Variants in SSBP2 observed in about 807,000 individuals in gnomAD.
The protein encoded by SSBP2 is single-stranded DNA-binding protein 2.
SSBP2 carries 17 observed loss-of-function variants against 61.8 expected under a neutral mutation model. That is an observed-to-expected ratio of 0.28 (90% CI 0.19 to 0.41). The LOEUF is 0.41. Among genes scored for constraint, SSBP2 ranks in the 10% least tolerant of loss-of-function variants. SSBP2 has a pLI of 1.00. For missense variants in SSBP2, 310 were observed against 458.7 expected, an observed-to-expected ratio of 0.68 and a Z score of 2.96; for synonymous variants, 139 against 141.3, an observed-to-expected ratio of 0.98 and a Z score of 0.12.
chr5:81,527,752 G>A (rs571310094), intron 4 of SSBP2, among the ~76,000 whole-genome samples: 2 of 151,702 alleles, frequency 1.3e-5, no homozygotes, highest in African/African-American at 4.8e-5. Context: ...GGGGGACAAG[G>A]GGAGGAAGAG....
At chr5:81,673,619 T>C (rs986176569) in intron 1 of SSBP2, among the ~76,000 whole-genome samples, 1 of 152,070 alleles carries the variant, frequency 6.6e-6, no homozygotes, top group African/African-American at 2.4e-5. Context: ...AAAGAGGTAA[T>C]AGTCCTACAA....
intron 4 of SSBP2, among the ~76,000 whole-genome samples, chr5:81,604,772 G>C (rs1458661145): frequency 1.3e-5 from 2 of 152,002 alleles, no homozygotes; most frequent in Admixed American, 1.3e-4. Flanking sequence ...GTCACTTCCA[G>C]GTAAAGCGGC....
chr5:81,550,912 C>T (rs914298377), intron 4 of SSBP2, among the ~76,000 whole-genome samples: 6 of 151,900 alleles, frequency 3.9e-5, no homozygotes, highest in African/African-American at 7.3e-5. Flanking sequence ...CTGGGTAACA[C>T]GATGAAACCC....
intron 1 of SSBP2, among the ~76,000 whole-genome samples, chr5:81,730,398 T>C (rs889941304): frequency 1.1e-4 from 17 of 152,128 alleles, no homozygotes; most frequent in Admixed American, 6.5e-5. Flanking sequence ...CTAATTTTTA[T>C]AACTTTAATA....
chr5:81,576,635 C>T (rs1774239593), intron 4 of SSBP2, among the ~76,000 whole-genome samples: 1 of 152,224 alleles, frequency 6.6e-6, no homozygotes, highest in African/African-American at 2.4e-5. Context: ...CTTCACATTT[C>T]TAAATCTCCT....
chr5:81,566,421 T>C (rs186857524), intron 4 of SSBP2, among the ~76,000 whole-genome samples: 41 of 152,294 alleles, frequency 2.7e-4, no homozygotes, highest in African/African-American at 8.4e-4. Context: ...GATTTCTGCT[T>C]TTGCGTCTTC....
At chr5:81,570,948 T>C (rs1033975539) in intron 4 of SSBP2, among the ~76,000 whole-genome samples, 1 of 152,174 alleles carries the variant, frequency 6.6e-6, no homozygotes, top group Non-Finnish European at 1.5e-5. Context: ...ACATTATAGC[T>C]CTAAAAGATT....
At chr5:81,450,340 T>C (rs1300166706) in intron 10 of SSBP2, among the ~76,000 whole-genome samples, 2 of 152,180 alleles carry the variant, frequency 1.3e-5, no homozygotes, top group East Asian at 3.9e-4. Context: ...TTTATTTAAA[T>C]GTGAGTCTGC....
At chr5:81,730,271 C>T (rs1273182374) in intron 1 of SSBP2, among the ~76,000 whole-genome samples, 1 of 152,186 alleles carries the variant, frequency 6.6e-6, no homozygotes, top group Non-Finnish European at 1.5e-5. Flanking sequence ...GTCGCCCAGG[C>T]TGGAGTGCAG....
chr5:81,526,953 A>C (rs543622026), intron 4 of SSBP2, among the ~76,000 whole-genome samples: 104 of 152,140 alleles, frequency 6.8e-4, no homozygotes, highest in African/African-American at 2.4e-3. Context: ...AAAACCAAAC[A>C]AACCAACCAA....
intron 4 of SSBP2, among the ~76,000 whole-genome samples, chr5:81,540,892 TG>T (rs1771212481): frequency 6.6e-6 from 1 of 151,788 alleles, no homozygotes; most frequent in Admixed American, 6.6e-5. Context: ...TTAGAATTCC[TG>T]GAGGTCCTAG....
At chr5:81,684,503 G>A (rs954719887) in intron 1 of SSBP2, among the ~76,000 whole-genome samples, 4 of 152,120 alleles carry the variant, frequency 2.6e-5, no homozygotes, top group African/African-American at 9.7e-5. Flanking sequence ...TAGTCTGTAT[G>A]TGCCCAAGGC....
intron 15 of SSBP2, among the ~76,000 whole-genome samples, chr5:81,436,887 G>A (rs1236556997): frequency 6.6e-6 from 1 of 152,080 alleles, no homozygotes; most frequent in Non-Finnish European, 1.5e-5. Flanking sequence ...ACTAATGGAA[G>A]GCTCACTTTC....
chr5:81,525,414 A>G (rs1192961402), intron 4 of SSBP2, among the ~76,000 whole-genome samples: 1 of 151,922 alleles, frequency 6.6e-6, no homozygotes, highest in Non-Finnish European at 1.5e-5. Context: ...GCACCCACTT[A>G]TAACTGAGAA....
Position 81,455,341 on chromosome 5 carries a change from C to T in SSBP2, c.687+5714G>A, listed in dbSNP as rs1183946103. Among the ~76,000 whole-genome samples, 13 of 110,548 alleles carry T rather than the reference C, an allele frequency of 1.2e-4. 1 individual carries two copies. Among genetic ancestry groups the T allele is most frequent in the Non-Finnish European group, 5.0e-5 (3 of 60,546 alleles). 72.5% of individuals were successfully genotyped at this position (110,548 alleles called of 152,430 possible). ...TTATCCCTAAATCCTCCTTCTAGGC[C>T]GGGCGCGGTGGCTCACGCCTGTAAT... is the stretch of plus-strand genomic sequence containing the variant. On this transcript the variant is annotated intron_variant, in intron 10 of 16. Coordinates refer to ENST00000320672, the MANE Select transcript of SSBP2 (RefSeq NM_012446.5).
At chr5:81,747,737 T>G (rs1283888796) in intron 1 of SSBP2, among the ~76,000 whole-genome samples, 1 of 152,154 alleles carries the variant, frequency 6.6e-6, no homozygotes, top group Non-Finnish European at 1.5e-5. Context: ...AGAAATTAGA[T>G]TATCTCCTAC....
At chr5:81,597,639 A>C (rs972746277) in intron 4 of SSBP2, among the ~76,000 whole-genome samples, 3 of 152,206 alleles carry the variant, frequency 2.0e-5, no homozygotes, top group Non-Finnish European at 2.9e-5. Flanking sequence ...CTGGATTAAG[A>C]AAATGTGGCA....
intron 9 of SSBP2, 30 bp from the exon 10 acceptor site, chr5:81,461,133 A>G: frequency 6.5e-6 from 10 of 1,539,916 alleles, no homozygotes; most frequent in Non-Finnish European, 8.8e-6. Context: ...ATGAAATTTT[A>G]ACCTATGCTT....
intron 15 of SSBP2, among the ~76,000 whole-genome samples, chr5:81,430,947 C>T (rs1458425077): frequency 6.6e-6 from 1 of 152,134 alleles, no homozygotes; most frequent in Non-Finnish European, 1.5e-5. Context: ...ACAACAGAAG[C>T]TCCTCAATGG....
Sources: gnomAD v4.1 joint callset for allele counts (sites outside exome capture counted in the v4.1 genomes callset) on GRCh38, gnomAD v4.1.1 for gene constraint, MANE v1.5 for transcripts, NCBI Gene and HGNC (gene_info 2026-07-23, HGNC 2026-07-21) for gene names.